NTN1: variants seen among roughly 807,000 people sequenced by gnomAD.
NTN1 encodes the protein netrin 1, also known as netrin-1.
NTN1 carries 11 observed loss-of-function variants against 54.2 expected under a neutral mutation model. That is an observed-to-expected ratio of 0.20 (90% CI 0.13 to 0.34). The LOEUF is 0.34. Among genes scored for constraint, NTN1 ranks in the 10% least tolerant of loss-of-function variants. The pLI is 1.00. For missense variants in NTN1, 740 were observed against 893.1 expected, an observed-to-expected ratio of 0.83 and a Z score of 2.18; for synonymous variants, 371 against 382.0, an observed-to-expected ratio of 0.97 and a Z score of 0.33.
At chr17:9,096,414 A>G (rs978921532) in intron 2 of NTN1, among the ~76,000 whole-genome samples, 4 of 111,366 alleles carry the variant, frequency 3.6e-5, no homozygotes, top group Non-Finnish European at 6.6e-5. Flanking sequence ...TCTGTCGCCC[A>G]GGCTGGAGTG....
At chr17:9,139,255 G>C (rs975001662) in intron 2 of NTN1, among the ~76,000 whole-genome samples, 1 of 152,162 alleles carries the variant, frequency 6.6e-6, no homozygotes, top group Non-Finnish European at 1.5e-5. Flanking sequence ...AATAAATGAG[G>C]TGCTTTAGGC....
chr17:9,145,800 C>G (rs1240152352), intron 2 of NTN1, among the ~76,000 whole-genome samples: 1 of 151,850 alleles, frequency 6.6e-6, no homozygotes, highest in Non-Finnish European at 1.5e-5. Flanking sequence ...CACCTGTAGT[C>G]CCAGCTACTT....
At chr17:9,196,984 C>A (rs1471386914) in intron 5 of NTN1, among the ~76,000 whole-genome samples, 2 of 151,988 alleles carry the variant, frequency 1.3e-5, no homozygotes, top group Non-Finnish European at 2.9e-5. Context: ...TGAAATTGGC[C>A]ATGGTGGGAA....
chr17:9,022,276 C>A, intron 1 of NTN1, 35 bp from the exon 2 acceptor site: 2 of 1,203,062 alleles, frequency 1.7e-6, no homozygotes, highest in Non-Finnish European at 2.1e-6. Context: ...GGGCGCGGGG[C>A]GGGCTGGCTG....
At chr17:9,204,977 A>G (rs1904931604) in intron 5 of NTN1, among the ~76,000 whole-genome samples, 1 of 151,910 alleles carries the variant, frequency 6.6e-6, no homozygotes, top group Admixed American at 6.6e-5. Flanking sequence ...GCCTTTCAAA[A>G]TAGGAACTCC....
At chr17:9,178,571 G>A (rs941790088) in intron 3 of NTN1, among the ~76,000 whole-genome samples, 4 of 152,246 alleles carry the variant, frequency 2.6e-5, no homozygotes, top group Non-Finnish European at 5.9e-5. Context: ...AGTGCTTGCT[G>A]GGAAGTTCTA....
chr17:9,193,962 G>A (rs751402147), intron 5 of NTN1, among the ~76,000 whole-genome samples: 3 of 123,762 alleles, frequency 2.4e-5, no homozygotes, highest in Admixed American at 1.8e-4. Flanking sequence ...CAGGTTGGGC[G>A]CAGAGGCTCA....
chr17:9,080,324 CT>C (rs2092066564), intron 2 of NTN1, among the ~76,000 whole-genome samples: 1 of 152,204 alleles, frequency 6.6e-6, no homozygotes, highest in Non-Finnish European at 1.5e-5. Flanking sequence ...TTGACTGGTC[CT>C]CCTTGCTGCC....
In NTN1 at chr17:9,219,293, C is replaced by T. The variant is rs1380913912; in HGVS notation, c.1412-1875C>T. The stretch of plus-strand genomic sequence containing the variant: ...GGCCACTCTCTCTGGACAGCCCAGT[C>T]CCTGCACCCCAAGAAATCCCTACTC... On this transcript the variant is annotated intron_variant, in intron 5 of 6. Coordinates refer to ENST00000173229, the MANE Select transcript of NTN1 (RefSeq NM_004822.3). The surrounding 1 kb of genome is among the most constrained non-coding windows in gnomAD (Gnocchi z 4.5). 6.6e-6 allele frequency among the ~76,000 whole-genome samples: 1 copy of T among 152,182 alleles called. No homozygotes were observed. The highest frequency in any genetic ancestry group is 1.9e-4 in the East Asian group (1 of 5,192).
intron 5 of NTN1, among the ~76,000 whole-genome samples, chr17:9,194,684 T>C (rs1904575134): frequency 1.3e-5 from 2 of 152,124 alleles, no homozygotes; most frequent in Non-Finnish European, 2.9e-5. Flanking sequence ...GAGGAGCCTC[T>C]GGCTAAGAAC....
At chr17:9,126,499 G>A (rs1024851473) in intron 2 of NTN1, among the ~76,000 whole-genome samples, 7 of 151,980 alleles carry the variant, frequency 4.6e-5, no homozygotes, top group East Asian at 1.9e-4. Flanking sequence ...TGACAAGAGC[G>A]AAACTCCATC....
At position 9,106,371 on chromosome 17, in the gene NTN1, C is replaced by T. The variant is rs142269441; in HGVS notation, c.1019-56442C>T. On this transcript the variant is annotated intron_variant, in intron 2 of 6. Transcript: ENST00000173229. ...GAAGTGTGAAGCTGTAGGCCTGCCT[C>T]GGAGTTAGCACACGGAACGGAATAT... Among the ~76,000 whole-genome samples, 463 of 152,262 alleles carry T rather than the reference C, an allele frequency of 3.0e-3. 3 individuals are homozygous for T. Among genetic ancestry groups the T allele is most frequent in the African/African-American group, 0.011 (444 of 41,542 alleles).
chr17:9,067,406 G>A (rs530019952), intron 2 of NTN1, among the ~76,000 whole-genome samples: 34 of 152,278 alleles, frequency 2.2e-4, no homozygotes, highest in African/African-American at 7.2e-4. Flanking sequence ...GATAATAAAT[G>A]TTTTGGATCT....
intron 2 of NTN1, among the ~76,000 whole-genome samples, chr17:9,095,767 G>A (rs1418326819): frequency 6.6e-6 from 1 of 151,972 alleles, no homozygotes; most frequent in Non-Finnish European, 1.5e-5. Context: ...GATAAATGTG[G>A]AGGGAATGAG....
At chr17:9,208,223 C>T (rs1905018792) in intron 5 of NTN1, among the ~76,000 whole-genome samples, 1 of 152,164 alleles carries the variant, frequency 6.6e-6, no homozygotes, top group Non-Finnish European at 1.5e-5. Context: ...CAGATCGACA[C>T]TCCATCTCTA....
At chr17:9,064,847 C>G (rs996709964) in intron 2 of NTN1, among the ~76,000 whole-genome samples, 3 of 152,194 alleles carry the variant, frequency 2.0e-5, no homozygotes, top group Non-Finnish European at 4.4e-5. Flanking sequence ...CAGCCTTGAC[C>G]TCGCAGGCTC....
At chr17:9,012,237 C>T in the NTN1 span, among the ~76,000 whole-genome samples, 39 of 151,998 alleles carry the variant, frequency 2.6e-4, no homozygotes, top group African/African-American at 8.5e-4. Context: ...CTGGGCCAGG[C>T]GCAGCAGCTC....
chr17:9,020,667 G>C (rs72809921), upstream of NTN1, among the ~76,000 whole-genome samples: 25,570 of 152,220 alleles, frequency 0.17, 2,898 homozygotes, highest in East Asian at 0.51. Flanking sequence ...ACAGGGCTTT[G>C]CACCCTTAAA....
intron 3 of NTN1, among the ~76,000 whole-genome samples, chr17:9,179,339 C>A (rs559912376): frequency 6.6e-6 from 1 of 152,300 alleles, no homozygotes; most frequent in East Asian, 1.9e-4. Context: ...CTTCACCAGG[C>A]CTCAAACCCC....
Sources: gnomAD v4.1 joint callset for allele counts (sites outside exome capture counted in the v4.1 genomes callset) on GRCh38, gnomAD v4.1.1 for gene constraint, Gnocchi (gnomAD v3.1) non-coding constraint, MANE v1.5 for transcripts, NCBI Gene and HGNC (gene_info 2026-07-23, HGNC 2026-07-21) for gene names.